Variants in SORBS2 observed in about 807,000 individuals in gnomAD.
SORBS2 encodes the protein sorbin and SH3 domain containing 2, also known as sorbin and SH3 domain-containing protein 2.
A neutral mutation model predicts 97.7 loss-of-function variants in SORBS2; 46 were observed. The observed-to-expected ratio is 0.47, with a 90% confidence interval of 0.37 to 0.60. The LOEUF (loss-of-function observed/expected upper bound fraction) is 0.60, where lower values mean the gene tolerates loss of function less well. Ranked by LOEUF, SORBS2 falls within the 20% of genes least tolerant of loss-of-function variation. SORBS2 has a pLI of 0.00. For synonymous variants in SORBS2, 476 were observed against 473.4 expected, an observed-to-expected ratio of 1.01 and a Z score of -0.07; for missense variants, 1,316 against 1,282.3, an observed-to-expected ratio of 1.03 and a Z score of -0.40.
chr4:185,639,375 C>A (rs1233790836), intron 4 of SORBS2, among the ~76,000 whole-genome samples: 1 of 152,146 alleles, frequency 6.6e-6, no homozygotes, highest in African/African-American at 2.4e-5. Flanking sequence ...AGAGAAAAAG[C>A]CAGTTTTATA....
intron 14 of SORBS2, among the ~76,000 whole-genome samples, chr4:185,589,387 T>C (rs899135552): frequency 6.6e-6 from 1 of 152,178 alleles, no homozygotes; most frequent in Non-Finnish European, 1.5e-5. Flanking sequence ...CCATTTGTTG[T>C]TGTTGTTCTT....
chr4:185,678,706 A>T, intron 3 of SORBS2, 90 bp downstream of exon 6: 1 of 1,166,334 alleles, frequency 8.6e-7, no homozygotes, highest in Non-Finnish European at 1.2e-6. Flanking sequence ...ATGAAATTTA[A>T]ATTTAACATG....
chr4:185,589,590 A>G (rs1046491671), intron 14 of SORBS2, 89 bp downstream of exon 26: 1 of 765,114 alleles, frequency 1.3e-6, no homozygotes, highest in African/African-American at 1.7e-5. Context: ...ATTCAAAGGA[A>G]GCTCGGCCAT....
At chr4:185,591,987 T>G (rs868679335) in intron 13 of SORBS2, 29 of 152,338 alleles carry the variant, frequency 1.9e-4, no homozygotes, top group African/African-American at 5.5e-4. Flanking sequence ...TCCTCCTGCC[T>G]CTCCTGGCTT....
At chr4:185,699,220 G>T (rs974564371) in intron 2 of SORBS2, among the ~76,000 whole-genome samples, 15 of 149,982 alleles carry the variant, frequency 1.0e-4, no homozygotes. Context: ...GCTCTAATTT[G>T]ATCTTATAGT....
intron 5 of SORBS2, among the ~76,000 whole-genome samples, chr4:185,629,474 T>C (rs936923108): frequency 6.6e-6 from 1 of 150,538 alleles, no homozygotes; most frequent in African/African-American, 2.5e-5. Flanking sequence ...TAGATAAATA[T>C]TTGTTATTGA....
chr4:185,689,334 A>G (rs1041806697), intron 2 of SORBS2, among the ~76,000 whole-genome samples: 1 of 152,220 alleles, frequency 6.6e-6, no homozygotes, highest in African/African-American at 2.4e-5. Flanking sequence ...TGTAGCTCCA[A>G]AACATGGCTG....
At position 185,623,785 on chromosome 4, in the gene SORBS2, A is replaced by G. The variant is rs1329127658; in HGVS notation, c.1344T>C (p.Cys448=). ...ACTCAATGGAAAACCGCCTCTTGGG[A>G]CATAGGCCATTTTGCGGTGGTTCTA... Residue 448 remains cysteine (C), a synonymous_variant, in exon 7 of 15, where the codon TGT becomes TGC. Transcript: ENST00000418609. This position sits in a 1 kb window ranked among gnomAD's most constrained non-coding sequence, Gnocchi z 6.4. 2 of 1,614,084 alleles carry G rather than the reference A, an allele frequency of 1.2e-6. No homozygotes were observed. The highest frequency in any genetic ancestry group is 2.7e-5 in the African/African-American group (2 of 74,934).
At chr4:185,919,866 A>G (rs2099260151) in intron 1 of SORBS2, among the ~76,000 whole-genome samples, 1 of 152,244 alleles carries the variant, frequency 6.6e-6, no homozygotes, top group Non-Finnish European at 1.5e-5. Context: ...GAAGTGGCAT[A>G]TATTTGATGC....
chr4:185,803,532 T>G (rs2099140395), intron 1 of SORBS2, among the ~76,000 whole-genome samples: 1 of 152,222 alleles, frequency 6.6e-6, no homozygotes, highest in African/African-American at 2.4e-5. Context: ...TAAACTATAT[T>G]ATTTATGGCT....
rs1448272357 is a variant in SORBS2 at position 185,874,494 on chromosome 4, C to CTTA, written c.-338+81699_-338+81701dup. Among the ~76,000 whole-genome samples, 7 of 152,208 alleles carry CTTA rather than the reference C, an allele frequency of 4.6e-5. No homozygotes were observed. The East Asian group carries it at 1.4e-3, about 29-fold the overall frequency. ...GGCCCCAAAGATGCATGCTGAATGACTTAATTTTCTTATTTTTCATACTTA... is the reference window on the plus strand; with the variant it reads ...GGCCCCAAAGATGCATGCTGAATGACTTATTAATTTTCTTATTTTTCATACTTA... On this transcript the variant is annotated intron_variant, in intron 1 of 20. Transcript: ENST00000284776.
At chr4:185,939,487 A>G (rs1387794797) in intron 1 of SORBS2, among the ~76,000 whole-genome samples, 5 of 151,962 alleles carry the variant, frequency 3.3e-5, no homozygotes, top group African/African-American at 9.7e-5. Flanking sequence ...AGTTCTCCAA[A>G]GAGGTATCTG....
intron 13 of SORBS2, among the ~76,000 whole-genome samples, chr4:185,590,010 C>A (rs2095883982): frequency 1.3e-5 from 2 of 152,208 alleles, no homozygotes; most frequent in South Asian, 2.1e-4. Context: ...AACACTCTAA[C>A]AACATTTTGA....
intron 8 of SORBS2, among the ~76,000 whole-genome samples, chr4:185,619,590 G>A (rs1421877182): frequency 2.0e-5 from 3 of 152,162 alleles, no homozygotes; most frequent in Non-Finnish European, 2.9e-5. Flanking sequence ...GCAGTATCCC[G>A]AGAACTGGGC....
At chr4:185,678,730 G>C in intron 3 of SORBS2, 66 bp downstream of exon 6, 3 of 1,195,784 alleles carry the variant, frequency 2.5e-6, no homozygotes, top group Non-Finnish European at 2.3e-6. Context: ...TCAGCGATGT[G>C]GCTATGAATA....
At chr4:185,943,415 C>A (rs1004986245) in intron 1 of SORBS2, among the ~76,000 whole-genome samples, 1 of 152,200 alleles carries the variant, frequency 6.6e-6, no homozygotes, top group Non-Finnish European at 1.5e-5. Flanking sequence ...GATGTGATGG[C>A]ATAGAAACAT....
At chr4:185,677,165 C>T (rs1271324755) in intron 4 of SORBS2, 13 of 1,551,686 alleles carry the variant, frequency 8.4e-6, no homozygotes, top group Non-Finnish European at 1.1e-5. Flanking sequence ...CTGTGTGTGT[C>T]TCAGGCACTG....
At chr4:185,612,300 G>T (rs182759205) in intron 11 of SORBS2, among the ~76,000 whole-genome samples, 2 of 152,138 alleles carry the variant, frequency 1.3e-5, no homozygotes, top group Non-Finnish European at 2.9e-5. Flanking sequence ...AAGCAGAATA[G>T]TGTAAAAGGT....
intron 1 of SORBS2, among the ~76,000 whole-genome samples, chr4:185,951,366 C>T (rs1251755055): frequency 6.6e-6 from 1 of 152,202 alleles, no homozygotes; most frequent in East Asian, 1.9e-4. Context: ...ATCCATCACC[C>T]TGCCTCCTAA....
Sources: gnomAD v4.1 joint callset for allele counts (sites outside exome capture counted in the v4.1 genomes callset) on GRCh38, gnomAD v4.1.1 for gene constraint, Gnocchi (gnomAD v3.1) non-coding constraint, MANE v1.5 for transcripts, NCBI Gene and HGNC (gene_info 2026-07-23, HGNC 2026-07-21) for gene names.